Variants in ANKRD26 observed in about 807,000 individuals in gnomAD.
The protein encoded by ANKRD26 is ankyrin repeat domain 26.
In ANKRD26, 141 loss-of-function variants were observed where a neutral mutation model predicts 208.7. The observed-to-expected ratio is 0.68, with a 90% CI of 0.59 to 0.78. ANKRD26 has a LOEUF of 0.78. Among genes scored for constraint, ANKRD26 ranks in the 30% least tolerant of loss-of-function variants. The pLI is 0.00. For synonymous variants in ANKRD26, 636 were observed against 660.4 expected (o/e 0.96, Z 0.57); for missense variants, 1,889 against 1,938.7 (o/e 0.97, Z 0.48).
At chr10:27,004,095 G>C (rs547019261), downstream of ANKRD26, 33 of 152,198 alleles carry the variant, frequency 2.2e-4, no homozygotes, top group African/African-American at 7.9e-4. Flanking sequence ...AAATAAAGAG[G>C]CATCGTGTCT....
At chr10:27,079,204 T>C in intron 6 of ANKRD26, 43 bp from the exon 7 acceptor site, 1 of 1,541,112 alleles carries the variant, frequency 6.5e-7, no homozygotes, top group Non-Finnish European at 9.0e-7. Flanking sequence ...TTCATTTCTT[T>C]AAAAACAAAA....
the ANKRD26 span, among the ~76,000 whole-genome samples, chr10:26,956,608 G>A: frequency 6.6e-6 from 1 of 151,984 alleles, no homozygotes; most frequent in African/African-American, 2.4e-5. Flanking sequence ...CTCCAGCCTG[G>A]GTGACTGAGT....
chr10:26,992,142 C>T (rs577446413), intron 5 of ANKRD26: 1 of 152,214 alleles, frequency 6.6e-6, no homozygotes, highest in Admixed American at 6.5e-5. Context: ...TTTATCTTTG[C>T]AGCCATCTTA....
intron 3 of ANKRD26, among the ~76,000 whole-genome samples, chr10:26,985,633 AC>A (rs2052374138): frequency 6.6e-6 from 1 of 152,132 alleles, no homozygotes; most frequent in Non-Finnish European, 1.5e-5. Flanking sequence ...ACTTAGAGTG[AC>A]CTGGAATTTT....
intron 32 of ANKRD26, among the ~76,000 whole-genome samples, chr10:27,009,075 G>A (rs766682860): frequency 3.9e-5 from 6 of 152,098 alleles, no homozygotes; most frequent in Admixed American, 6.5e-5. Flanking sequence ...TCCTGACCTC[G>A]TGATCCGCCC....
intron 25 of ANKRD26, among the ~76,000 whole-genome samples, chr10:27,031,055 C>T (rs1218793107): frequency 1.3e-5 from 2 of 152,096 alleles, no homozygotes; most frequent in Admixed American, 6.5e-5. Flanking sequence ...AGATCCAGAA[C>T]AGTCAGAGAA....
At chr10:26,948,430 G>GA in the ANKRD26 span, among the ~76,000 whole-genome samples, 2 of 152,042 alleles carry the variant, frequency 1.3e-5, no homozygotes, top group African/African-American at 4.8e-5. Flanking sequence ...CTTCATTCGG[G>GA]AAAAATAATT....
chr10:26,965,202 G>A, the ANKRD26 span, among the ~76,000 whole-genome samples: 2 of 152,108 alleles, frequency 1.3e-5, no homozygotes, highest in African/African-American at 4.8e-5. Flanking sequence ...GAACAAAGCT[G>A]GAGGCATCAC....
rs542388998 is a variant in ANKRD26 at position 26,978,559 on chromosome 10, G to T, written c.*281+2017C>A. On this transcript the variant is annotated intron_variant and NMD_transcript_variant, in intron 5 of 5. Coordinates refer to the ANKRD26 transcript ENST00000674670. ...TATTCAATCTGGTCATAACTTTCTG[G>T]TATCTCCCAATTACAAGCCCCAGCC... Among the ~76,000 whole-genome samples the T allele has an allele frequency of 5.3e-5, 8 of 152,254 alleles. No homozygotes were observed. The East Asian group carries it at 1.5e-3, about 29-fold the overall frequency.
the ANKRD26 span, among the ~76,000 whole-genome samples, chr10:26,949,498 A>T: frequency 1.3e-5 from 2 of 151,672 alleles, no homozygotes; most frequent in East Asian, 1.9e-4. Context: ...TATATTAATT[A>T]ATTTATTTAT....
At chr10:27,009,464 T>C (rs1217996873) in intron 32 of ANKRD26, among the ~76,000 whole-genome samples, 1 of 152,206 alleles carries the variant, frequency 6.6e-6, no homozygotes, top group Non-Finnish European at 1.5e-5. Flanking sequence ...TTTCCCTTAA[T>C]ACAAATTTAA....
chr10:27,082,414 C>G (rs1277364982), intron 6 of ANKRD26, among the ~76,000 whole-genome samples: 1 of 152,210 alleles, frequency 6.6e-6, no homozygotes, highest in East Asian at 1.9e-4. Flanking sequence ...AATTGTTGGA[C>G]TAACCAGGCT....
chr10:26,976,687 T>C (rs1295665858), intron 5 of ANKRD26, among the ~76,000 whole-genome samples: 1 of 152,010 alleles, frequency 6.6e-6, no homozygotes, highest in Non-Finnish European at 1.5e-5. Context: ...TTTATTGAGG[T>C]TTCTTAAGTT....
rs552163444 is a variant in ANKRD26, at chr10:27,067,510, C to A, written c.1078-224G>T. ...ATGGTTTTGCAGGCTGTATAGGAGGCATAGCAGCTTCTGCTTCTGGGGAGG... is the reference window on the plus strand; with the variant it reads ...ATGGTTTTGCAGGCTGTATAGGAGGAATAGCAGCTTCTGCTTCTGGGGAGG... On this transcript the variant is annotated intron_variant, in intron 9 of 33. Coordinates refer to ENST00000376087, the MANE Select transcript of ANKRD26 (RefSeq NM_014915.3). Among the ~76,000 whole-genome samples, 18 of 152,046 alleles carry A rather than the reference C, an allele frequency of 1.2e-4. No individual in the cohort carries two copies. The East Asian group carries it at 3.1e-3, about 26-fold the overall frequency.
At chr10:27,069,482 T>G (rs918821639) in intron 9 of ANKRD26, among the ~76,000 whole-genome samples, 1 of 150,826 alleles carries the variant, frequency 6.6e-6, no homozygotes, top group Non-Finnish European at 1.5e-5. Context: ...TTTTTGGTGG[T>G]TTTTTTTTCA....
chr10:27,004,746 A>C lies in ANKRD26; in HGVS notation c.*844T>G, dbSNP rs1365906110. Reference sequence around the variant, plus strand: ...TATTCAAGGTCATGAAGGTCAAGGAAAGACTGAGGAACTGTTCCAGACTGA... The same window carrying C: ...TATTCAAGGTCATGAAGGTCAAGGACAGACTGAGGAACTGTTCCAGACTGA... On this transcript the variant is annotated 3_prime_UTR_variant, in exon 34 of 34. Transcript: ENST00000376087. 1 of 151,746 alleles carries C rather than the reference A, an allele frequency of 6.6e-6. No individual in the cohort carries two copies. Among genetic ancestry groups the C allele is most frequent in the African/African-American group, 2.4e-5 (1 of 41,194 alleles). 9.4% of individuals were successfully genotyped at this position (151,746 alleles called of 1,614,324 possible). A position where few individuals can be genotyped will look rare whatever the true frequency, so the allele number is the denominator to read the frequency against.
downstream of ANKRD26, chr10:26,991,885 T>A (rs1393093597): frequency 1.3e-5 from 2 of 152,116 alleles, no homozygotes; most frequent in African/African-American, 4.8e-5. Context: ...GCTGAAGACA[T>A]CAGTACTTTA....
Position 27,040,186 on chromosome 10 carries a change from AG to A in ANKRD26, c.2162-9del. The A allele has an allele frequency of 6.3e-7, 1 of 1,593,936 alleles. No homozygotes were observed. Among genetic ancestry groups the A allele is most frequent in the South Asian group, 1.1e-5 (1 of 90,474 alleles). Reference sequence around the variant, plus strand: ...TCAATAGGCTAACAGAATCTGTATCAGGAAGAAAACAAGATAGAAATATATG... The same window carrying A: ...TCAATAGGCTAACAGAATCTGTATCAGAAGAAAACAAGATAGAAATATATG... On this transcript the variant is annotated splice_polypyrimidine_tract_variant and intron_variant, in intron 20 of 33. Transcript: ENST00000376087.
chr10:27,071,036 G>T (rs75182271), intron 9 of ANKRD26, among the ~76,000 whole-genome samples: 1 of 151,714 alleles, frequency 6.6e-6, no homozygotes, highest in East Asian at 1.9e-4. Flanking sequence ...GTTTATTTTA[G>T]AAAACAATAA....
Sources: gnomAD v4.1 joint callset for allele counts (sites outside exome capture counted in the v4.1 genomes callset) on GRCh38, gnomAD v4.1.1 for gene constraint, MANE v1.5 for transcripts, NCBI Gene and HGNC (gene_info 2026-07-23, HGNC 2026-07-21) for gene names.